The following GMPPA variants were observed in gnomAD, a reference collection of about 807,000 sequenced individuals.
The protein encoded by GMPPA is mannose-1-phosphate guanylyltransferase regulatory subunit alpha.
A neutral mutation model predicts 58.6 loss-of-function variants in GMPPA; 46 were observed. The observed-to-expected ratio is 0.78, with a 90% confidence interval of 0.62 to 1.00. The LOEUF is 1.00. GMPPA is among the 50% of genes least tolerant of loss of function. GMPPA has a pLI of 0.00. For synonymous variants in GMPPA, 211 were observed against 214.9 expected (o/e 0.98, Z 0.16); for missense variants, 468 against 556.4 (o/e 0.84, Z 1.60).
intron 3 of GMPPA, chr2:219,501,004 G>A (rs534595148): frequency 6.4e-6 from 1 of 156,916 alleles, no homozygotes; most frequent in East Asian, 1.9e-4. Flanking sequence ...AGGATCGCTT[G>A]AGGCCAGGAG....
chr2:219,502,932 C>T lies in GMPPA; in HGVS notation c.489+491C>T, dbSNP rs540706222. Among the ~76,000 whole-genome samples the T allele has an allele frequency of 6.6e-6, 1 of 152,316 alleles. No homozygotes were observed. Among genetic ancestry groups the T allele is most frequent in the South Asian group, 2.1e-4 (1 of 4,824 alleles). On this transcript the variant is annotated intron_variant, in intron 6 of 12. Transcript: ENST00000313597. This position sits in a 1 kb window ranked among gnomAD's most constrained non-coding sequence, Gnocchi z 4.0. ...CTTCTCCTAAGCCCCTTGACTTTCACATAACCCTCCCTCCTTTATTTATTT... is the reference window on the plus strand; with the variant it reads ...CTTCTCCTAAGCCCCTTGACTTTCATATAACCCTCCCTCCTTTATTTATTT...
chr2:219,502,041 AGG>A lies in GMPPA; in HGVS notation c.429+8_429+9del. The stretch of plus-strand genomic sequence containing the variant: ...TTTCTTACTCCTTGGCACTACGGTG[AGG>A]GGGTCAGGAGGGCTGGAGGGTGTAG... On this transcript the variant is annotated splice_donor_5th_base_variant and intron_variant, in intron 5 of 12. Coordinates refer to ENST00000313597, the MANE Select transcript of GMPPA (RefSeq NM_013335.4). This position sits in a 1 kb window ranked among gnomAD's most constrained non-coding sequence, Gnocchi z 4.0. The A allele has an allele frequency of 6.2e-7, 1 of 1,613,914 alleles. No homozygotes were observed. Among genetic ancestry groups the A allele is most frequent in the Non-Finnish European group, 8.5e-7 (1 of 1,179,880 alleles).
chr2:219,502,346 A>T lies in GMPPA; in HGVS notation c.430-36A>T. ...AAAACAGACGTGGCTGCCCTGGAGC[A>T]GGCGGGTCACTGTCTCGGGTGTGTC... On this transcript the variant is annotated intron_variant, in intron 5 of 12. Transcript: ENST00000313597. The surrounding 1 kb of genome is among the most constrained non-coding windows in gnomAD (Gnocchi z 4.0). 1 of 1,588,684 alleles carries T rather than the reference A, an allele frequency of 6.3e-7. No individual in the cohort carries two copies. Among genetic ancestry groups the T allele is most frequent in the Non-Finnish European group, 8.6e-7 (1 of 1,156,872 alleles).
At position 219,505,318 on chromosome 2, in the gene GMPPA, C is replaced by T. The variant is rs145097387; in HGVS notation, c.711C>T (p.Tyr237=). 5.0e-6 allele frequency: 8 copies of T among 1,614,010 alleles called. No individual in the cohort carries two copies. The highest frequency in any genetic ancestry group is 1.3e-5 in the African/African-American group (1 of 75,050). Residue 237 remains tyrosine, a synonymous_variant, in exon 8 of 13, where the codon TAC becomes TAT. Coordinates refer to ENST00000313597, the MANE Select transcript of GMPPA (RefSeq NM_013335.4). Reference sequence around the variant, plus strand: ...CCCTGGCAGGGCAGGGCCAGATATACGTGCATCTCACTGATGGTATCTGGA... The same window carrying T: ...CCCTGGCAGGGCAGGGCCAGATATATGTGCATCTCACTGATGGTATCTGGA... The part of the protein sequence containing the change: ...FSALAGQGQI[Y]VHLTDGIWSQ...
intron 7 of GMPPA, chr2:219,504,977 A>C: frequency 1.1e-6 from 1 of 928,944 alleles, no homozygotes. Flanking sequence ...TCCTTATGGA[A>C]ATGGGGCAGG....
chr2:219,501,603 TG>T (rs142347571), intron 4 of GMPPA, 24 bp downstream of exon 4: 28 of 1,346,948 alleles, frequency 2.1e-5, no homozygotes, highest in Middle Eastern at 1.8e-4. Flanking sequence ...CACTCGTATA[TG>T]GGGGGGTGGG....
At position 219,502,045 on chromosome 2, in the gene GMPPA, G is replaced by A. The variant is rs760890027; in HGVS notation, c.429+8G>A. Reference sequence around the variant, plus strand: ...TTACTCCTTGGCACTACGGTGAGGGGGTCAGGAGGGCTGGAGGGTGTAGAG... The same window carrying A: ...TTACTCCTTGGCACTACGGTGAGGGAGTCAGGAGGGCTGGAGGGTGTAGAG... On this transcript the variant is annotated splice_region_variant and intron_variant, in intron 5 of 12. Coordinates refer to ENST00000313597, the MANE Select transcript of GMPPA (RefSeq NM_013335.4). The surrounding 1 kb of genome is among the most constrained non-coding windows in gnomAD (Gnocchi z 4.0). The A allele has an allele frequency of 1.2e-5, 19 of 1,613,772 alleles. No homozygotes were observed. The highest frequency in any genetic ancestry group is 1.7e-5 in the Admixed American group (1 of 59,998).
At chr2:219,505,417 C>G in intron 8 of GMPPA, 41 bp from the exon 9 acceptor site, 1 of 1,604,494 alleles carries the variant, frequency 6.2e-7, no homozygotes, top group Middle Eastern at 1.7e-4. Context: ...GGGCACAGGC[C>G]CTGCTGACCC....
Position 219,502,242 on chromosome 2 carries a change from C to T in GMPPA, c.430-140C>T. On this transcript the variant is annotated intron_variant, in intron 5 of 12. Coordinates refer to ENST00000313597, the MANE Select transcript of GMPPA (RefSeq NM_013335.4). The surrounding 1 kb of genome is among the most constrained non-coding windows in gnomAD (Gnocchi z 4.0). ...TCAGAAGTAGGGAGGGGGAGGGCAG[C>T]TGTCAGTTTCCACCCTTGCTGAAGG... is the stretch of plus-strand genomic sequence containing the variant. The T allele has an allele frequency of 1.2e-6, 1 of 855,402 alleles. No homozygotes were observed. The highest frequency in any genetic ancestry group is 1.9e-6 in the Non-Finnish European group (1 of 523,242). The allele number at this position is 855,402 out of a possible 1,614,324, so 53.0% of individuals were successfully genotyped here.
rs1228371690 is a variant in GMPPA, at chr2:219,502,802, C to A, written c.489+361C>A. Reference sequence around the variant, plus strand: ...AAAGGAGACAGGAAGGTACTACAGGCAGAGGGAATGGCAGGTATAAAGGCC... The same window carrying A: ...AAAGGAGACAGGAAGGTACTACAGGAAGAGGGAATGGCAGGTATAAAGGCC... On this transcript the variant is annotated intron_variant, in intron 6 of 12. Coordinates refer to ENST00000313597, the MANE Select transcript of GMPPA (RefSeq NM_013335.4). The surrounding 1 kb of genome is among the most constrained non-coding windows in gnomAD (Gnocchi z 4.0). Among the ~76,000 whole-genome samples the A allele has an allele frequency of 6.6e-6, 1 of 152,044 alleles. No homozygotes were observed. Among genetic ancestry groups the A allele is most frequent in the African/African-American group, 2.4e-5 (1 of 41,398 alleles).
In GMPPA at chr2:219,505,759, G is replaced by C. The variant is rs777036634; in HGVS notation, c.898G>C (p.Val300Leu). The C allele has an allele frequency of 1.2e-6, 2 of 1,605,754 alleles. No homozygotes were observed. Among genetic ancestry groups the C allele is most frequent in the Non-Finnish European group, 1.7e-6 (2 of 1,177,090 alleles). Reference protein sequence around the residue: ...HPTAKVAPSAVLGPNVSIGKG... With the variant: ...HPTAKVAPSALLGPNVSIGKG... ...GACCGCCAAGGTGGCCCCCTCGGCTGTGGTGAGCACTGGTCCCAGCCCCAG... is the reference window on the plus strand; with the variant it reads ...GACCGCCAAGGTGGCCCCCTCGGCTCTGGTGAGCACTGGTCCCAGCCCCAG... Residue 300 changes from valine to leucine, a missense_variant and splice_region_variant, in exon 10 of 13, where the codon GTG (valine) becomes CTG (leucine). By Grantham distance (32) the Val-to-Leu change is conservative. Coordinates refer to ENST00000313597, the MANE Select transcript of GMPPA (RefSeq NM_013335.4).
chr2:219,504,209 C>A lies in GMPPA; in HGVS notation c.616C>A (p.Gln206Lys). ...DVFQRNQQDG[Q>K]LEDSPGLWPG... ...CTTCCAGCGTAATCAGCAGGATGGG[C>A]AATTGTGAGGCAGGCCCCATAGCCC... The change falls in exon 7 of 13, where the codon CAA (glutamine) becomes AAA (lysine). Residue 206 changes from glutamine (Q) to lysine (K), a missense_variant. Coordinates refer to ENST00000313597, the MANE Select transcript of GMPPA (RefSeq NM_013335.4). 6.2e-7 allele frequency: 1 copy of A among 1,613,900 alleles called. No individual in the cohort carries two copies. Among genetic ancestry groups the A allele is most frequent in the East Asian group, 2.2e-5 (1 of 44,864 alleles).
chr2:219,500,344 G>A, intron 3 of GMPPA, 126 bp downstream of exon 3: 1 of 679,576 alleles, frequency 1.5e-6, no homozygotes, highest in South Asian at 1.6e-5. Context: ...AGATGACAAT[G>A]TGAATGGCGC....
Sources: gnomAD v4.1 joint callset for allele counts (sites outside exome capture counted in the v4.1 genomes callset) on GRCh38, gnomAD v4.1.1 for gene constraint, Gnocchi (gnomAD v3.1) non-coding constraint, MANE v1.5 for transcripts, NCBI Gene and HGNC (gene_info 2026-07-23, HGNC 2026-07-21) for gene names.